Variants in PRICKLE1 observed in about 807,000 individuals in gnomAD.
The protein encoded by PRICKLE1 is prickle-like protein 1.
In PRICKLE1, 14 loss-of-function variants were observed where a neutral mutation model predicts 70.2. The ratio of observed to expected loss-of-function variants is 0.20; its 90% confidence interval spans 0.13 to 0.31. The LOEUF (loss-of-function observed/expected upper bound fraction) is 0.31. Ranked by LOEUF, PRICKLE1 falls within the 10% of genes least tolerant of loss-of-function variation. The pLI is 1.00. For missense variants in PRICKLE1, 821 were observed against 1,026.2 expected (o/e 0.80, Z 2.73); for synonymous variants, 357 against 379.9 (o/e 0.94, Z 0.70).
chr12:42,497,896 C>T (rs1939236202), intron 1 of PRICKLE1, among the ~76,000 whole-genome samples: 1 of 152,166 alleles, frequency 6.6e-6, no homozygotes, highest in Non-Finnish European at 1.5e-5. Flanking sequence ...ATGTCCCCAC[C>T]CTGGACACGA....
At chr12:42,567,796 CAAA>C (rs34315516) in intron 1 of PRICKLE1, among the ~76,000 whole-genome samples, 18,154 of 118,284 alleles carry the variant, frequency 0.15, 1,419 homozygotes, top group Non-Finnish European at 0.21. Flanking sequence ...CACTTCATCT[CAAA>C]AAAAAAAAAA....
intron 1 of PRICKLE1, among the ~76,000 whole-genome samples, chr12:42,526,949 ATAGGGGTGAC>A (rs1427717498): frequency 6.6e-6 from 1 of 152,060 alleles, no homozygotes; most frequent in African/African-American, 2.4e-5. Flanking sequence ...CTTGAATGAT[ATAGGGGTGAC>A]GGTGAGTGGG....
At chr12:42,576,682 A>C (rs573030590) in intron 1 of PRICKLE1, among the ~76,000 whole-genome samples, 3 of 152,320 alleles carry the variant, frequency 2.0e-5, no homozygotes, top group African/African-American at 7.2e-5. Flanking sequence ...ATCATGGCTC[A>C]CTGCTGTGTT....
intron 1 of PRICKLE1, among the ~76,000 whole-genome samples, chr12:42,543,578 A>G (rs1021399756): frequency 1.3e-5 from 2 of 152,090 alleles, no homozygotes; most frequent in African/African-American, 4.8e-5. Flanking sequence ...TCTGGAGTGC[A>G]GTGGCGCGAT....
intron 1 of PRICKLE1, among the ~76,000 whole-genome samples, chr12:42,476,092 C>CAA (rs398044331): frequency 6.0e-4 from 61 of 101,720 alleles, no homozygotes; most frequent in Middle Eastern, 5.3e-3. Context: ...AACTCCGTCT[C>CAA]AAAAAAAAAA....
chr12:42,506,070 G>A (rs144197608), intron 1 of PRICKLE1, among the ~76,000 whole-genome samples: 45 of 152,112 alleles, frequency 3.0e-4, no homozygotes, highest in African/African-American at 9.6e-4. Flanking sequence ...AATTCTACCC[G>A]GACATCGCAA....
At chr12:42,529,953 C>CT (rs546013157) in intron 1 of PRICKLE1, among the ~76,000 whole-genome samples, 4,640 of 142,998 alleles carry the variant, frequency 0.032, 218 homozygotes, top group African/African-American at 0.1. Flanking sequence ...TCCTTCCTTC[C>CT]TTTTTTTTTT....
At chr12:42,467,210 G>A (rs1017897227) in intron 5 of PRICKLE1, among the ~76,000 whole-genome samples, 3 of 151,888 alleles carry the variant, frequency 2.0e-5, no homozygotes, top group African/African-American at 7.3e-5. Context: ...CCGCCTCCTG[G>A]GGTTCAAGCA....
chr12:42,557,765 A>G (rs1940435817), intron 1 of PRICKLE1, among the ~76,000 whole-genome samples: 1 of 152,160 alleles, frequency 6.6e-6, no homozygotes, highest in Non-Finnish European at 1.5e-5. Flanking sequence ...AGGTTTCATG[A>G]CTGTTTTATG....
chr12:42,466,903 G>A (rs1938115223), intron 5 of PRICKLE1, among the ~76,000 whole-genome samples: 1 of 151,800 alleles, frequency 6.6e-6, no homozygotes, highest in Non-Finnish European at 1.5e-5. Flanking sequence ...TTTGAGACAG[G>A]GTCTCACTTG....
In PRICKLE1 at chr12:42,515,128, C is replaced by T. The variant is rs150637182; in HGVS notation, c.-48-42564G>A. On this transcript the variant is annotated intron_variant, in intron 1 of 7. Coordinates refer to ENST00000345127, the MANE Select transcript of PRICKLE1 (RefSeq NM_153026.3). ...GGAGATGGGTTTGCATCATGTTGGG[C>T]GGGCTAGTTTCCAACTCCTGTCCTC... Among the ~76,000 whole-genome samples, 428 of 151,898 alleles carry T rather than the reference C, an allele frequency of 2.8e-3. 4 individuals carry two copies. The highest frequency in any genetic ancestry group is 9.1e-3 in the African/African-American group (377 of 41,406).
chr12:42,545,103 G>A (rs566772021), intron 1 of PRICKLE1, among the ~76,000 whole-genome samples: 6 of 152,036 alleles, frequency 3.9e-5, no homozygotes, highest in East Asian at 1.9e-4. Flanking sequence ...TCCTGGGCTC[G>A]AGTGATCCTC....
In PRICKLE1 at chr12:42,559,606, GTATA is replaced by G. The variant is rs1202538313; in HGVS notation, c.-49+29855_-49+29858del. Among the ~76,000 whole-genome samples, 361 of 110,460 alleles carry G rather than the reference GTATA, an allele frequency of 3.3e-3. 6 individuals carry two copies. The highest frequency in any genetic ancestry group is 7.1e-3 in the East Asian group (24 of 3,384). 72.5% of individuals were successfully genotyped at this position (110,460 alleles called of 152,430 possible). On this transcript the variant is annotated intron_variant, in intron 1 of 7. Transcript: ENST00000345127. ...TGTGTTTATGTGTGTGTGTGTGTGT[GTATA>G]TATATATATATATATTTTTTTTTTT...
At chr12:42,493,461 A>G (rs1939139922) in intron 1 of PRICKLE1, among the ~76,000 whole-genome samples, 1 of 152,354 alleles carries the variant, frequency 6.6e-6, no homozygotes, top group South Asian at 2.1e-4. Flanking sequence ...AAGATCTGAC[A>G]CAAATTCAAA....
chr12:42,465,320 G>T, intron 6 of PRICKLE1, 62 bp from the exon 7 acceptor site: 1 of 1,534,794 alleles, frequency 6.5e-7, no homozygotes, highest in Non-Finnish European at 9.0e-7. Context: ...CAAGGTATAA[G>T]GAAGAAACGA....
chr12:42,516,404 T>C (rs898446968), intron 1 of PRICKLE1, among the ~76,000 whole-genome samples: 1 of 152,178 alleles, frequency 6.6e-6, no homozygotes, highest in Admixed American at 6.5e-5. Context: ...AGTGCTGGTA[T>C]TACAGGCGTG....
chr12:42,545,818 C>A (rs2120623977), intron 1 of PRICKLE1, among the ~76,000 whole-genome samples: 1 of 150,914 alleles, frequency 6.6e-6, no homozygotes. Flanking sequence ...CCATTGCACT[C>A]CAGCCTGGGT....
At chr12:42,481,061 A>G (rs1189427442) in intron 1 of PRICKLE1, among the ~76,000 whole-genome samples, 1 of 152,204 alleles carries the variant, frequency 6.6e-6, no homozygotes, top group Non-Finnish European at 1.5e-5. Flanking sequence ...AAAGGAAGAA[A>G]TTGGGCCAAA....
At chr12:42,571,835 G>A (rs894618610) in intron 1 of PRICKLE1, among the ~76,000 whole-genome samples, 1 of 152,168 alleles carries the variant, frequency 6.6e-6, no homozygotes, top group Non-Finnish European at 1.5e-5. Context: ...ACTACATAGT[G>A]AAGTCTTGAA....
Sources: allele counts gnomAD v4.1 joint callset (sites outside exome capture counted in the v4.1 genomes callset), GRCh38; gene constraint gnomAD v4.1.1; transcripts MANE v1.5; gene names NCBI Gene and HGNC (gene_info 2026-07-23, HGNC 2026-07-21).